The following ASB4 variants were observed in gnomAD, a reference collection of about 807,000 sequenced individuals.
ASB4 encodes the protein ankyrin repeat and SOCS box containing 4.
In ASB4, 35 loss-of-function variants were observed where a neutral mutation model predicts 38.6. That is an observed-to-expected ratio of 0.91 (90% confidence interval 0.69 to 1.20). The LOEUF (loss-of-function observed/expected upper bound fraction) is 1.20. ASB4 is among the 50% of genes most tolerant of loss of function. The probability of loss-of-function intolerance (pLI) is 0.00; values close to 1 mark genes in which losing one functional copy is unlikely to be tolerated. For missense variants in ASB4, 557 were observed against 527.2 expected (o/e 1.06, Z -0.55); for synonymous variants, 195 against 201.3 (o/e 0.97, Z 0.26).
chr7:95,481,664 A>T (rs1585790432), upstream of ASB4, among the ~76,000 whole-genome samples: 1 of 152,198 alleles, frequency 6.6e-6, no homozygotes, highest in Non-Finnish European at 1.5e-5. Flanking sequence ...TTTGTGTTCC[A>T]GAGAAGATAT....
chr7:95,521,775 TA>T (rs1229122991), intron 2 of ASB4, among the ~76,000 whole-genome samples: 4 of 150,962 alleles, frequency 2.6e-5, no homozygotes, highest in Middle Eastern at 6.8e-3. Flanking sequence ...CGTAGTTTTT[TA>T]AAACACAAAA....
intron 3 of ASB4, among the ~76,000 whole-genome samples, chr7:95,535,132 C>G (rs113298569): frequency 0.02 from 3,037 of 152,292 alleles, 38 homozygotes; most frequent in Middle Eastern, 0.058. Context: ...CTTTCTGTCT[C>G]TGTTTTATCT....
chr7:95,488,963 T>C (rs1562809028), intron 1 of ASB4, among the ~76,000 whole-genome samples: 1 of 152,220 alleles, frequency 6.6e-6, no homozygotes, highest in East Asian at 1.9e-4. Flanking sequence ...AATTCTATAT[T>C]CAACATTTGA....
At chr7:95,499,264 G>T (rs548369147) in intron 2 of ASB4, among the ~76,000 whole-genome samples, 5 of 152,252 alleles carry the variant, frequency 3.3e-5, no homozygotes, top group Admixed American at 3.3e-4. Flanking sequence ...CAATGGAATC[G>T]CCTGGATAAA....
At chr7:95,545,096 TCA>T (rs1791015127), downstream of ASB4, among the ~76,000 whole-genome samples, 1 of 151,872 alleles carries the variant, frequency 6.6e-6, no homozygotes, top group African/African-American at 2.4e-5. Context: ...TGGTACAGAC[TCA>T]CTCTCTGAAA....
At chr7:95,542,763 GTTTAAGTGAACTTAAA>G (rs1790988001), downstream of ASB4, 1 of 152,202 alleles carries the variant, frequency 6.6e-6, no homozygotes, top group Non-Finnish European at 1.5e-5. Flanking sequence ...ACACTAAGTC[GTTTAAGTGAACTTAAA>G]TTTCTTCTTT....
upstream of ASB4, among the ~76,000 whole-genome samples, chr7:95,475,847 C>T (rs1013720956): frequency 1.3e-5 from 2 of 152,090 alleles, no homozygotes; most frequent in African/African-American, 4.8e-5. Context: ...TAATCCTTGC[C>T]ATGAGCTGGC....
chr7:95,529,736 GT>G (rs752705635), intron 3 of ASB4, among the ~76,000 whole-genome samples: 1 of 152,164 alleles, frequency 6.6e-6, no homozygotes, highest in Non-Finnish European at 1.5e-5. Flanking sequence ...TAAGAATAAT[GT>G]TACAGTAACT....
At chr7:95,537,489 G>A (rs1431628765) in intron 4 of ASB4, 82 bp from the exon 5 acceptor site, 15 of 1,240,464 alleles carry the variant, frequency 1.2e-5, no homozygotes, top group Middle Eastern at 2.0e-4. Flanking sequence ...TACGTATAGA[G>A]GTTAGTTGCA....
chr7:95,513,293 A>ATATGTGTGTG (rs372838435), intron 2 of ASB4, among the ~76,000 whole-genome samples: 7 of 89,190 alleles, frequency 7.8e-5, no homozygotes, highest in Non-Finnish European at 1.5e-4. Context: ...AGCCAATAGA[A>ATATGTGTGTG]TGTGTGTGTG....
In ASB4 at chr7:95,528,120, C is replaced by T. The variant is rs772632934; in HGVS notation, c.795C>T (p.His265=). 1.9e-6 allele frequency: 3 copies of T among 1,614,096 alleles called. No individual in the cohort carries two copies. The highest frequency in any genetic ancestry group is 1.1e-5 in the South Asian group (1 of 91,088). The change falls in exon 3 of 5, where the codon CAC becomes CAT. Residue 265 remains histidine (H), a synonymous_variant. Coordinates refer to ENST00000325885, the MANE Select transcript of ASB4 (RefSeq NM_016116.3). The part of the protein sequence containing the change: ...PLHKAAWNCD[H]VLMHMMLEAG... Reference sequence around the variant, plus strand: ...ACAAGGCAGCCTGGAACTGTGACCACGTGCTCATGCACATGATGCTGGAAG... The same window carrying T: ...ACAAGGCAGCCTGGAACTGTGACCATGTGCTCATGCACATGATGCTGGAAG...
At chr7:95,531,449 C>G (rs1790818765) in intron 3 of ASB4, among the ~76,000 whole-genome samples, 1 of 152,184 alleles carries the variant, frequency 6.6e-6, no homozygotes, top group South Asian at 2.1e-4. Context: ...GCCAGAGAAA[C>G]ATACTCTATC....
At chr7:95,527,222 T>C (rs1464645814) in intron 2 of ASB4, among the ~76,000 whole-genome samples, 2 of 151,784 alleles carry the variant, frequency 1.3e-5, no homozygotes, top group African/African-American at 4.8e-5. Flanking sequence ...CAGGCATATG[T>C]GGTGGTGGTG....
chr7:95,529,628 C>T (rs993267358), intron 3 of ASB4, among the ~76,000 whole-genome samples: 3 of 152,130 alleles, frequency 2.0e-5, no homozygotes, highest in African/African-American at 7.2e-5. Context: ...GGAAGATTAA[C>T]TAATTCTTTT....
chr7:95,497,505 T>C (rs1221729350), intron 2 of ASB4, among the ~76,000 whole-genome samples: 1 of 152,168 alleles, frequency 6.6e-6, no homozygotes, highest in African/African-American at 2.4e-5. Flanking sequence ...GTAAAGAAAC[T>C]TGAGGAAGAG....
At chr7:95,476,570 A>G (rs949842592), upstream of ASB4, among the ~76,000 whole-genome samples, 1 of 152,210 alleles carries the variant, frequency 6.6e-6, no homozygotes, top group Admixed American at 6.5e-5. Context: ...AACGGGAACA[A>G]TATCTTTGAT....
chr7:95,474,827 A>G (rs1789960570), upstream of ASB4, among the ~76,000 whole-genome samples: 1 of 152,190 alleles, frequency 6.6e-6, no homozygotes, highest in Non-Finnish European at 1.5e-5. Context: ...TCATCTAAAA[A>G]TTAGTTTTTA....
intron 1 of ASB4, among the ~76,000 whole-genome samples, chr7:95,489,516 G>A (rs3801920): frequency 0.099 from 15,041 of 152,186 alleles, 1,224 homozygotes; most frequent in East Asian, 0.37. Context: ...AATAAAATCT[G>A]CAGATGAAAT....
chr7:95,511,424 TA>T (rs1790478984), intron 2 of ASB4, among the ~76,000 whole-genome samples: 1 of 152,042 alleles, frequency 6.6e-6, no homozygotes, highest in Admixed American at 6.6e-5. Context: ...ACCTGGGTGG[TA>T]AGAGTAGGAA....
Sources: allele counts gnomAD v4.1 joint callset (sites outside exome capture counted in the v4.1 genomes callset), GRCh38; gene constraint gnomAD v4.1.1; transcripts MANE v1.5; gene names NCBI Gene and HGNC (gene_info 2026-07-23, HGNC 2026-07-21).